The following TENT2 variants were observed in gnomAD, a reference collection of about 807,000 sequenced individuals.
The protein encoded by TENT2 is poly(A) RNA polymerase GLD2.
In TENT2, 44 loss-of-function variants were observed where a neutral mutation model predicts 72.2. The ratio of observed to expected loss-of-function variants is 0.61; its 90% CI spans 0.48 to 0.78. The LOEUF (loss-of-function observed/expected upper bound fraction) is 0.78. TENT2 is among the 30% of genes least tolerant of loss of function. The probability of loss-of-function intolerance (pLI) is 0.00; values close to 1 mark genes in which losing one functional copy is unlikely to be tolerated. For synonymous variants in TENT2, 212 were observed against 192.5 expected, an observed-to-expected ratio of 1.10 and a Z score of -0.84; for missense variants, 541 against 569.6, an observed-to-expected ratio of 0.95 and a Z score of 0.51.
chr5:79,622,407 A>G (rs1046432267), intron 3 of TENT2, among the ~76,000 whole-genome samples: 1 of 152,200 alleles, frequency 6.6e-6, no homozygotes, highest in African/African-American at 2.4e-5. Context: ...TATATCAATG[A>G]AGTAAATGTC....
At chr5:79,683,472 C>T (rs573294797) in intron 14 of TENT2, among the ~76,000 whole-genome samples, 79 of 151,952 alleles carry the variant, frequency 5.2e-4, no homozygotes, top group Non-Finnish European at 7.8e-4. Flanking sequence ...ATTGTGCCAC[C>T]GCACTCCAGC....
In TENT2 at chr5:79,672,642, T is replaced by G. The variant is rs147376928; in HGVS notation, c.1208+3614T>G. On this transcript the variant is annotated intron_variant, in intron 12 of 14. Transcript: ENST00000453514. ...TGATGTTGCAAATGAGAGGATCTCA[T>G]TCTTTTGTATGGCTCAATAGTACTC... Among the ~76,000 whole-genome samples, 573 of 152,364 alleles carry G rather than the reference T, an allele frequency of 3.8e-3. 1 individual carries two copies. Among genetic ancestry groups the G allele is most frequent in the African/African-American group, 0.013 (551 of 41,578 alleles).
At chr5:79,664,312 T>C (rs1302669564) in intron 11 of TENT2, among the ~76,000 whole-genome samples, 1 of 152,130 alleles carries the variant, frequency 6.6e-6, no homozygotes, top group African/African-American at 2.4e-5. Context: ...TTTGAAAAGA[T>C]TTAGCCAGCC....
chr5:79,660,891 A>G (rs1802345051), intron 11 of TENT2, among the ~76,000 whole-genome samples: 2 of 152,182 alleles, frequency 1.3e-5, no homozygotes, highest in African/African-American at 2.4e-5. Flanking sequence ...CCAGTGGGAC[A>G]TGATGTGGAG....
In TENT2 at chr5:79,619,574, C is replaced by T. The variant is rs180944651; in HGVS notation, c.-37-38C>T. ...TATCAAAGTGTTTAGTGTCTTTAAG[C>T]TATGATAATTTAATATTGTCTTTTT... On this transcript the variant is annotated intron_variant, in intron 1 of 14. Coordinates refer to ENST00000453514, the MANE Select transcript of TENT2 (RefSeq NM_001114394.3). The T allele has an allele frequency of 2.1e-4, 300 of 1,408,572 alleles. 1 individual carries two copies. Among genetic ancestry groups the T allele is most frequent in the Admixed American group, 3.7e-4 (17 of 45,488 alleles). 87.3% of individuals were successfully genotyped at this position (1,408,572 alleles called of 1,614,324 possible). A position where few individuals can be genotyped will look rare whatever the true frequency, so the allele number is the denominator to read the frequency against.
At chr5:79,630,160 A>G (rs1424329983) in intron 4 of TENT2, among the ~76,000 whole-genome samples, 3 of 152,140 alleles carry the variant, frequency 2.0e-5, no homozygotes, top group African/African-American at 4.8e-5. Context: ...AAAAAAATGC[A>G]GATCACAATT....
At chr5:79,616,301 C>T (rs548592136) in intron 1 of TENT2, among the ~76,000 whole-genome samples, 3 of 147,246 alleles carry the variant, frequency 2.0e-5, no homozygotes, top group East Asian at 2.0e-4. Flanking sequence ...CAGGTACAAG[C>T]GATTCTCCTG....
At chr5:79,642,680 G>A (rs928300742) in intron 6 of TENT2, 152 bp from the exon 7 acceptor site, 11 of 528,534 alleles carry the variant, frequency 2.1e-5, no homozygotes, top group Middle Eastern at 5.2e-4. Context: ...CTGTTATTTA[G>A]AAAAATAAAT....
At chr5:79,648,009 A>T (rs111956007) in intron 8 of TENT2, among the ~76,000 whole-genome samples, 1,775 of 152,254 alleles carry the variant, frequency 0.012, 30 homozygotes, top group African/African-American at 0.041. Context: ...CCCTGTATTT[A>T]ATTTGGCTTT....
intron 4 of TENT2, among the ~76,000 whole-genome samples, chr5:79,626,771 C>T (rs1468628574): frequency 1.4e-5 from 2 of 146,674 alleles, no homozygotes; most frequent in African/African-American, 2.7e-5. Flanking sequence ...TATTTTTACT[C>T]ATTTTAAAGA....
chr5:79,637,519 C>CA (rs1781065141), intron 4 of TENT2, among the ~76,000 whole-genome samples: 1 of 152,098 alleles, frequency 6.6e-6, no homozygotes, highest in Admixed American at 6.5e-5. Context: ...CTCGACCTCC[C>CA]AGGCTCAAGC....
intron 14 of TENT2, among the ~76,000 whole-genome samples, chr5:79,683,158 T>A (rs1157873361): frequency 2.0e-5 from 3 of 150,754 alleles, no homozygotes; most frequent in African/African-American, 7.3e-5. Context: ...AAAAAAAAAA[T>A]GAATAAAAAT....
intron 11 of TENT2, among the ~76,000 whole-genome samples, chr5:79,665,737 AT>A (rs1191071458): frequency 6.6e-6 from 1 of 152,184 alleles, no homozygotes; most frequent in Non-Finnish European, 1.5e-5. Context: ...AACAGTAAAA[AT>A]TTGTAACCCA....
intron 10 of TENT2, among the ~76,000 whole-genome samples, chr5:79,651,866 A>G (rs1186369252): frequency 6.6e-6 from 1 of 151,966 alleles, no homozygotes; most frequent in East Asian, 1.9e-4. Flanking sequence ...GTTTTATGGT[A>G]TACTCCTAGG....
intron 1 of TENT2, among the ~76,000 whole-genome samples, chr5:79,618,286 G>T (rs757880381): frequency 6.6e-6 from 1 of 152,144 alleles, no homozygotes; most frequent in Non-Finnish European, 1.5e-5. Context: ...GAGTGCAGTG[G>T]CATGAACATG....
intron 10 of TENT2, among the ~76,000 whole-genome samples, chr5:79,652,767 A>G (rs1402929843): frequency 6.6e-6 from 1 of 152,114 alleles, no homozygotes; most frequent in Non-Finnish European, 1.5e-5. Context: ...GCTGTTTTAG[A>G]TAATACTTTG....
intron 12 of TENT2, 32 bp downstream of exon 12, chr5:79,669,060 TTA>T (rs771492460): frequency 4.1e-5 from 66 of 1,603,172 alleles, no homozygotes; most frequent in African/African-American, 1.5e-4. Context: ...GTTTGTTCAC[TTA>T]TATGTGTGTG....
chr5:79,657,059 T>C, intron 11 of TENT2, 58 bp downstream of exon 11: 1 of 1,169,588 alleles, frequency 8.6e-7, no homozygotes, highest in Non-Finnish European at 1.2e-6. Context: ...TGTAGAACTA[T>C]TATAAGTAGT....
chr5:79,639,369 C>G (rs932592758), intron 4 of TENT2, among the ~76,000 whole-genome samples: 12 of 152,050 alleles, frequency 7.9e-5, no homozygotes, highest in African/African-American at 2.7e-4. Flanking sequence ...CTAAGTGATG[C>G]TAAGGGCCAA....
Sources: allele counts gnomAD v4.1 joint callset (sites outside exome capture counted in the v4.1 genomes callset), GRCh38; gene constraint gnomAD v4.1.1; transcripts MANE v1.5; gene names NCBI Gene and HGNC (gene_info 2026-07-23, HGNC 2026-07-21).